Variants in WDR18 observed in about 807,000 individuals in gnomAD.
The protein encoded by WDR18 is WD repeat domain 18.
Under a neutral mutation model 49.6 loss-of-function variants are expected in WDR18, and 33 were observed. The observed-to-expected ratio is 0.67, with a 90% CI of 0.50 to 0.89. The LOEUF is 0.89. WDR18 is among the 40% of genes least tolerant of loss of function. WDR18 has a pLI of 0.00. For synonymous variants in WDR18, 315 were observed against 263.6 expected (o/e 1.19, Z -1.89); for missense variants, 653 against 593.6 (o/e 1.10, Z -1.04).
chr19:993,431 G>A (rs1409690872), intron 8 of WDR18, among the ~76,000 whole-genome samples: 1 of 152,202 alleles, frequency 6.6e-6, no homozygotes, highest in Admixed American at 6.5e-5. Flanking sequence ...CCTTCCTCCC[G>A]TGACGGCTGC....
At chr19:987,632 G>C (rs2038487927) in intron 2 of WDR18, among the ~76,000 whole-genome samples, 1 of 152,020 alleles carries the variant, frequency 6.6e-6, no homozygotes, top group African/African-American at 2.4e-5. Context: ...GGAAGCAGTA[G>C]CTCACGAGTC....
intron 9 of WDR18, 26 bp from the exon 10 acceptor site, chr19:994,187 C>T (rs1479697593): frequency 2.5e-6 from 4 of 1,582,200 alleles, no homozygotes; most frequent in African/African-American, 2.7e-5. Context: ...GCCACTTCTG[C>T]CCTCTGACCC....
chr19:991,939 C>T lies in WDR18; in HGVS notation c.932-16C>T, dbSNP rs778514717. On this transcript the variant is annotated splice_polypyrimidine_tract_variant and intron_variant, in intron 7 of 9. Transcript: ENST00000585809. ...CTGGCTGGGATGGGGCGGGGCCTGA[C>T]CTCCGCGCCCCCCAGGCCCAGTCAC... 4.5e-6 allele frequency: 7 copies of T among 1,555,518 alleles called. No homozygotes were observed. Among genetic ancestry groups the T allele is most frequent in the African/African-American group, 1.4e-5 (1 of 71,388 alleles).
chr19:990,103 G>A, intron 3 of WDR18, 120 bp from the exon 4 acceptor site: 3 of 1,399,880 alleles, frequency 2.1e-6, no homozygotes, highest in Non-Finnish European at 2.8e-6. Context: ...AGTTTACTCA[G>A]GTGAGGCAGG....
In WDR18 at chr19:991,946, G is replaced by C. The variant is rs760028227; in HGVS notation, c.932-9G>C. The C allele has an allele frequency of 4.5e-6, 7 of 1,566,780 alleles. No individual in the cohort carries two copies. The Admixed American group carries it at 1.2e-4, about 28-fold the overall frequency. On this transcript the variant is annotated splice_polypyrimidine_tract_variant and intron_variant, in intron 7 of 9. Transcript: ENST00000585809. ...GGATGGGGCGGGGCCTGACCTCCGC[G>C]CCCCCCAGGCCCAGTCACCAATGCC...
intron 1 of WDR18, 77 bp downstream of exon 1, chr19:984,640 C>T (rs2038455883): frequency 2.3e-6 from 3 of 1,312,452 alleles, no homozygotes; most frequent in Non-Finnish European, 3.0e-6. Flanking sequence ...GTGGGGGCCG[C>T]GTGCACCCTT....
At chr19:986,069 G>A in intron 2 of WDR18, 94 bp downstream of exon 2, 3 of 1,241,034 alleles carry the variant, frequency 2.4e-6, no homozygotes, top group Non-Finnish European at 3.5e-6. Context: ...TGCGGCCTGG[G>A]GCCCTGGGAT....
At chr19:990,727 A>C in intron 4 of WDR18, 125 bp from the exon 5 acceptor site, 2 of 1,382,662 alleles carry the variant, frequency 1.4e-6, no homozygotes, top group Non-Finnish European at 9.5e-7. Flanking sequence ...GACGGCTTTC[A>C]CCCAAAGTCG....
At chr19:992,748 G>T (rs1167649190) in intron 8 of WDR18, among the ~76,000 whole-genome samples, 1 of 152,226 alleles carries the variant, frequency 6.6e-6, no homozygotes, top group Non-Finnish European at 1.5e-5. Flanking sequence ...GGGCTGGGGT[G>T]GGGGCTGGGG....
chr19:990,341 T>A lies in WDR18; in HGVS notation c.574T>A (p.Ser192Thr). The A allele has an allele frequency of 6.3e-7, 1 of 1,586,332 alleles. No individual in the cohort carries two copies. The highest frequency in any genetic ancestry group is 8.5e-7 in the Non-Finnish European group (1 of 1,173,528). Reference sequence around the variant, plus strand: ...GGGCCCCCTGGCCCGGGTGGCCACCTCCTCACTGGACCAGACGGTGAAGGT... The same window carrying A: ...GGGCCCCCTGGCCCGGGTGGCCACCACCTCACTGGACCAGACGGTGAAGGT... Reference protein sequence around the residue: ...FGGPLARVATSSLDQTVKLWE... With the variant: ...FGGPLARVATTSLDQTVKLWE... The change falls in exon 4 of 10, where the codon TCC becomes ACC. Residue 192 changes from serine to threonine, a missense_variant. Physicochemically the swap from Ser to Thr is moderately conservative, Grantham distance 58. Transcript: ENST00000585809.
intron 3 of WDR18, 129 bp from the exon 4 acceptor site, chr19:990,094 G>T: frequency 7.2e-7 from 1 of 1,393,238 alleles, no homozygotes; most frequent in Non-Finnish European, 9.5e-7. Context: ...CCAGCCTTGA[G>T]TTTACTCAGG....
upstream of WDR18, among the ~76,000 whole-genome samples, chr19:983,993 G>A (rs1392685519): frequency 6.6e-6 from 1 of 152,180 alleles, no homozygotes; most frequent in Non-Finnish European, 1.5e-5. Flanking sequence ...TGTGACGTCG[G>A]AACTTTATTA....
rs372763762 is a variant in WDR18, at chr19:991,128, G to T, written c.789G>T (p.Lys263Asn). ...TCCACCCAGAGCAGGACGCCGGGAA[G>T]GTCTTCAAAGGGCACAGGTGGGGAC... ...RSFHPEQDAG[K>N]VFKGHRNQVT... The change falls in exon 6 of 10, where the codon AAG (lysine) becomes AAT (asparagine). Residue 263 changes from lysine to asparagine, a missense_variant. Transcript: ENST00000585809. The T allele has an allele frequency of 1.3e-6, 2 of 1,578,696 alleles. No homozygotes were observed. The highest frequency in any genetic ancestry group is 1.7e-6 in the Non-Finnish European group (2 of 1,162,078).
At chr19:989,400 C>T (rs2038515033) in intron 2 of WDR18, among the ~76,000 whole-genome samples, 1 of 152,114 alleles carries the variant, frequency 6.6e-6, no homozygotes, top group Non-Finnish European at 1.5e-5. Flanking sequence ...GAGCCGCCTG[C>T]AGGTCCTGAG....
Position 990,980 on chromosome 19 carries a change from C to G in WDR18, c.726C>G (p.Val242=). ...GCAGTGAGGGCTCCATCTTCCAGGT[C>G]GACCTCTTCACCTGGGTGAGTGCCG... ...CGGSEGSIFQ[V]DLFTWPGQRE... is the part of the protein sequence containing the mutation. The change falls in exon 5 of 10, where the codon GTC becomes GTG. Residue 242 remains valine (V), a synonymous_variant. Coordinates refer to ENST00000585809, the MANE Select transcript of WDR18 (RefSeq NM_024100.4). 5 of 1,609,384 alleles carry G rather than the reference C, an allele frequency of 3.1e-6. No homozygotes were observed. The highest frequency in any genetic ancestry group is 1.7e-4 in the Middle Eastern group (1 of 6,040).
intron 8 of WDR18, 95 bp downstream of exon 8, chr19:992,216 C>G (rs1384073005): frequency 2.2e-6 from 3 of 1,351,128 alleles, no homozygotes; most frequent in East Asian, 3.1e-5. Context: ...GGCGCCCGTG[C>G]GGCGGTTCCC....
rs1252906718 is a variant in WDR18 at position 991,689 on chromosome 19, T to C, written c.932-266T>C. Reference sequence around the variant, plus strand: ...GGCCTGGCTGGGGGCGTGGACTGACTGTGGGGCGGGGCCTGGCTGGGACGG... The same window carrying C: ...GGCCTGGCTGGGGGCGTGGACTGACCGTGGGGCGGGGCCTGGCTGGGACGG... On this transcript the variant is annotated intron_variant, in intron 7 of 9. Coordinates refer to ENST00000585809, the MANE Select transcript of WDR18 (RefSeq NM_024100.4). Among the ~76,000 whole-genome samples the C allele has an allele frequency of 2.4e-3, 84 of 35,248 alleles. 4 individuals are homozygous for C. The highest frequency in any genetic ancestry group is 0.011 in the African/African-American group (78 of 7,324). The allele number at this position is 35,248 out of a possible 152,430, so 23.1% of individuals were successfully genotyped here.
intron 7 of WDR18, among the ~76,000 whole-genome samples, chr19:991,703 TGGCTGGGACGGGGC>T: frequency 1.1e-3 from 1 of 884 alleles, no homozygotes; most frequent in East Asian, 0.033. Flanking sequence ...GGGCGGGGCC[TGGCTGGGACGGGGC>T]GGGGCCTGGC....
In WDR18 at chr19:989,810, G is replaced by T. The variant is rs776347906; in HGVS notation, c.370G>T (p.Val124Phe). 5.6e-6 allele frequency: 9 copies of T among 1,612,736 alleles called. No individual in the cohort carries two copies. The highest frequency in any genetic ancestry group is 7.6e-6 in the Non-Finnish European group (9 of 1,179,902). Residue 124 changes from valine to phenylalanine, a missense_variant, in exon 3 of 10, where the codon GTC (valine) becomes TTC (phenylalanine). Val to Phe is a conservative substitution (Grantham distance 50, BLOSUM62 -1). Coordinates refer to ENST00000585809, the MANE Select transcript of WDR18 (RefSeq NM_024100.4). Reference protein sequence around the residue: ...LVILSRHYQDVSCLQFTGDSS... With the variant: ...LVILSRHYQDFSCLQFTGDSS... ...CATCCTGAGTCGACACTACCAGGAC[G>T]TCTCCTGCCTTCAGTTCACAGGGGA...
Sources: gnomAD v4.1 joint callset for allele counts (sites outside exome capture counted in the v4.1 genomes callset) on GRCh38, gnomAD v4.1.1 for gene constraint, MANE v1.5 for transcripts, NCBI Gene and HGNC (gene_info 2026-07-23, HGNC 2026-07-21) for gene names.